Variants in LRTM3 observed in about 807,000 individuals in gnomAD.
LRTM3 encodes the protein leucine rich repeat transmembrane protein 3.
chr13:102,731,372 A>G, the LRTM3 span: 2 of 1,551,462 alleles, frequency 1.3e-6, no homozygotes, highest in Middle Eastern at 1.7e-4. Flanking sequence ...AAAGTTGAAC[A>G]TTTGTAAAGA....
the LRTM3 span, chr13:102,747,978 A>G: frequency 3.2e-6 from 5 of 1,551,022 alleles, no homozygotes; most frequent in South Asian, 1.2e-5. Flanking sequence ...TTTCTATCAC[A>G]TTGTTGTGGC....
the LRTM3 span, chr13:102,742,723 C>T: frequency 1.9e-6 from 3 of 1,550,694 alleles, no homozygotes; most frequent in East Asian, 7.3e-5. Flanking sequence ...GGGGACTTGA[C>T]CTGTCAGCCA....
At chr13:102,743,231 T>A in the LRTM3 span, 1 of 1,550,580 alleles carries the variant, frequency 6.4e-7, no homozygotes, top group Admixed American at 2.0e-5. Context: ...GGGATCAGAA[T>A]ACCTTGCTAT....
the LRTM3 span, chr13:102,743,397 CTTGCCACA>C: frequency 6.4e-7 from 1 of 1,550,572 alleles, no homozygotes; most frequent in Non-Finnish European, 8.7e-7. Context: ...ACATTTTCAC[CTTGCCACA>C]TTGCTTTCAG....
At chr13:102,747,087 C>T in the LRTM3 span, 7 of 1,550,820 alleles carry the variant, frequency 4.5e-6, no homozygotes, top group Non-Finnish European at 6.1e-6. Context: ...TCTTTGACGC[C>T]TTTTACTTCA....
At chr13:102,740,025 C>G in the LRTM3 span, 2 of 1,550,368 alleles carry the variant, frequency 1.3e-6, no homozygotes, top group Non-Finnish European at 1.7e-6. Context: ...TCTACGCTAT[C>G]CTTCTGTCCT....
chr13:102,752,813 G>A, the LRTM3 span, among the ~76,000 whole-genome samples: 1 of 152,136 alleles, frequency 6.6e-6, no homozygotes, highest in African/African-American at 2.4e-5. Context: ...GAGGTCATAT[G>A]GGTAGGCCTT....
chr13:102,742,418 T>A, the LRTM3 span: 1 of 1,547,236 alleles, frequency 6.5e-7, no homozygotes. Flanking sequence ...CAGCTCTTGC[T>A]GTTTCTTTGG....
the LRTM3 span, among the ~76,000 whole-genome samples, chr13:102,753,064 A>G: frequency 6.6e-6 from 1 of 152,200 alleles, no homozygotes; most frequent in Non-Finnish European, 1.5e-5. Flanking sequence ...AAGACATGGA[A>G]TCAACCCAAA....
chr13:102,748,706 C>T, the LRTM3 span: 9 of 1,549,574 alleles, frequency 5.8e-6, no homozygotes, highest in Middle Eastern at 1.7e-4. Flanking sequence ...AATACCAATT[C>T]CCTTTGCTTG....
chr13:102,729,460 A>G, the LRTM3 span: 2 of 1,452,782 alleles, frequency 1.4e-6, no homozygotes, highest in Non-Finnish European at 1.8e-6. Context: ...GTCAGCTATG[A>G]AAAACGGTAG....
At chr13:102,750,148 T>C in the LRTM3 span, 1 of 1,551,160 alleles carries the variant, frequency 6.4e-7, no homozygotes, top group Non-Finnish European at 8.7e-7. Flanking sequence ...ATTCTCTGTC[T>C]GGATGCTCTG....
chr13:102,734,901 CATG>C, the LRTM3 span: 1 of 1,551,164 alleles, frequency 6.4e-7, no homozygotes, highest in Non-Finnish European at 8.7e-7. Flanking sequence ...TTCTGTGACA[CATG>C]TTTTCCTTTT....
At chr13:102,740,290 T>C in the LRTM3 span, 1 of 1,550,206 alleles carries the variant, frequency 6.5e-7, no homozygotes, top group East Asian at 2.4e-5. Flanking sequence ...AATCTTGTTT[T>C]TTCATCTGCC....
the LRTM3 span, chr13:102,739,026 A>G: frequency 6.4e-7 from 1 of 1,550,474 alleles, no homozygotes; most frequent in Non-Finnish European, 8.7e-7. Flanking sequence ...GTATCTGATA[A>G]TTCCTGCTGT....
chr13:102,759,004 A>G, the LRTM3 span: 1 of 888,972 alleles, frequency 1.1e-6, no homozygotes, highest in Non-Finnish European at 1.7e-6. Flanking sequence ...TGAAATATAA[A>G]ACCTCGGTAT....
At chr13:102,746,400 A>G in the LRTM3 span, 1 of 1,550,942 alleles carries the variant, frequency 6.4e-7, no homozygotes, top group African/African-American at 1.4e-5. Context: ...CCTTGCTTTA[A>G]TTGAGACGCA....
the LRTM3 span, chr13:102,738,481 C>T: frequency 1.3e-3 from 1,966 of 1,550,762 alleles, 38 homozygotes; most frequent in African/African-American, 0.024. Context: ...TATGTTCTAT[C>T]CTTTTCTCTT....
At chr13:102,745,738 AC>A in the LRTM3 span, 1 of 1,551,150 alleles carries the variant, frequency 6.4e-7, no homozygotes, top group Non-Finnish European at 8.7e-7. Flanking sequence ...ATGAGATACC[AC>A]CTTCTCTTGC....
Sources: gnomAD v4.1 joint callset for allele counts (sites outside exome capture counted in the v4.1 genomes callset) on GRCh38, gnomAD v4.1.1 for gene constraint, MANE v1.5 for transcripts, NCBI Gene and HGNC (gene_info 2026-07-23, HGNC 2026-07-21) for gene names.